TLN2: variants seen among roughly 807,000 people sequenced by gnomAD.
TLN2 encodes talin-2.
TLN2 carries 118 observed loss-of-function variants against 294.7 expected under a neutral mutation model. That is an observed-to-expected ratio of 0.40 (90% CI 0.34 to 0.47). The LOEUF (loss-of-function observed/expected upper bound fraction) is 0.47. Among genes scored for constraint, TLN2 ranks in the 20% least tolerant of loss-of-function variants. The probability of loss-of-function intolerance (pLI) is 0.84; values close to 1 mark genes in which losing one functional copy is unlikely to be tolerated. For synonymous variants in TLN2, 1,431 were observed against 1,304.5 expected (o/e 1.10, Z -2.09); for missense variants, 3,083 against 3,282.2 (o/e 0.94, Z 1.48).
At position 62,766,434 on chromosome 15, in the gene TLN2, C is replaced by G. The variant is rs1041980327; in HGVS notation, c.5196+12C>G. ...AGCTGGGACATAAGGTAATGCACAC[C>G]GAGGGGATCCTGCGAGGGTGTGCGT... On this transcript the variant is annotated intron_variant, in intron 41 of 58. Coordinates refer to ENST00000636159, the MANE Select transcript of TLN2 (RefSeq NM_015059.3). 1.9e-6 allele frequency: 3 copies of G among 1,597,952 alleles called. No homozygotes were observed. The highest frequency in any genetic ancestry group is 2.6e-6 in the Non-Finnish European group (3 of 1,166,696).
intron 18 of TLN2, 47 bp from the exon 19 acceptor site, chr15:62,702,719 G>T: frequency 6.4e-7 from 1 of 1,570,852 alleles, no homozygotes; most frequent in Non-Finnish European, 8.8e-7. Flanking sequence ...GATGGCACTG[G>T]AGGAAATGCG....
At chr15:62,506,530 G>T (rs915255458) in intron 1 of TLN2, among the ~76,000 whole-genome samples, 9 of 152,218 alleles carry the variant, frequency 5.9e-5, no homozygotes, top group African/African-American at 1.9e-4. Context: ...AAAGATGAGA[G>T]CCCTCCTGCC....
chr15:62,614,886 A>G (rs1373263426), intron 2 of TLN2, among the ~76,000 whole-genome samples: 1 of 151,798 alleles, frequency 6.6e-6, no homozygotes, highest in Non-Finnish European at 1.5e-5. Flanking sequence ...GCTCACTGCA[A>G]CCCCCGCCTC....
At chr15:62,415,128 C>T (rs1381140540) in intron 1 of TLN2, among the ~76,000 whole-genome samples, 1 of 140,690 alleles carries the variant, frequency 7.1e-6, no homozygotes, top group East Asian at 3.5e-4. Context: ...AGGCTGGTCT[C>T]AAACTCCTGA....
intron 2 of TLN2, among the ~76,000 whole-genome samples, chr15:62,605,200 A>G (rs1356237106): frequency 1.3e-5 from 2 of 152,202 alleles, no homozygotes; most frequent in Non-Finnish European, 2.9e-5. Flanking sequence ...GGTGAATTAC[A>G]GTGTAGGTTT....
intron 11 of TLN2, among the ~76,000 whole-genome samples, chr15:62,677,873 A>G (rs1415082244): frequency 7.8e-6 from 1 of 128,760 alleles, no homozygotes; most frequent in Non-Finnish European, 1.6e-5. Flanking sequence ...TCGGCTCACC[A>G]CAACCTCCGC....
At chr15:62,762,173 C>A (rs151074834) in intron 38 of TLN2, 99 bp from the exon 39 acceptor site, 2 of 1,337,628 alleles carry the variant, frequency 1.5e-6, no homozygotes, top group Non-Finnish European at 2.1e-6. Context: ...CTTCAAAGGG[C>A]AGAGGTGGTG....
At chr15:62,400,811 G>T (rs1433279880) in intron 1 of TLN2, among the ~76,000 whole-genome samples, 1 of 140,022 alleles carries the variant, frequency 7.1e-6, no homozygotes, top group East Asian at 2.0e-4. Flanking sequence ...TTATGTTTCC[G>T]GTTTTTTTTT....
intron 1 of TLN2, among the ~76,000 whole-genome samples, chr15:62,427,051 C>T (rs1394159619): frequency 6.6e-6 from 1 of 152,146 alleles, no homozygotes; most frequent in Non-Finnish European, 1.5e-5. Context: ...CTTCAGGAAG[C>T]AGGGCCAGCA....
chr15:62,773,933 G>A (rs1286952745), intron 42 of TLN2, among the ~76,000 whole-genome samples: 6 of 152,054 alleles, frequency 3.9e-5, no homozygotes, highest in Non-Finnish European at 8.8e-5. Context: ...TTACCGAGGC[G>A]TTTGCAGTGT....
At chr15:62,706,091 A>G (rs1392472798) in intron 19 of TLN2, among the ~76,000 whole-genome samples, 4 of 152,216 alleles carry the variant, frequency 2.6e-5, no homozygotes, top group Non-Finnish European at 1.5e-5. Flanking sequence ...TTAGAATCAA[A>G]TGTGCTCTTT....
chr15:62,673,310 C>CTTTTTTTT (rs56258541), intron 9 of TLN2, among the ~76,000 whole-genome samples: 9,588 of 42,526 alleles, frequency 0.23, 3,143 homozygotes, highest in East Asian at 0.57. Context: ...TTAGATGTTG[C>CTTTTTTTT]TTTTTTTTTT....
intron 41 of TLN2, 63 bp from the exon 42 acceptor site, chr15:62,770,901 C>G: frequency 6.5e-7 from 1 of 1,542,254 alleles, no homozygotes; most frequent in Non-Finnish European, 8.7e-7. Flanking sequence ...GACTGTGGAG[C>G]CCCTGAAGGA....
At chr15:62,516,607 C>A (rs553781158) in intron 1 of TLN2, among the ~76,000 whole-genome samples, 1 of 152,202 alleles carries the variant, frequency 6.6e-6, no homozygotes, top group South Asian at 2.1e-4. Flanking sequence ...GCTGTTGCAG[C>A]CTTGATCCGC....
At chr15:62,836,837 T>C (rs755975008) in intron 57 of TLN2, among the ~76,000 whole-genome samples, 1 of 152,248 alleles carries the variant, frequency 6.6e-6, no homozygotes, top group Non-Finnish European at 1.5e-5. Flanking sequence ...TTTGTCCAGT[T>C]GTAATCATGG....
At chr15:62,393,020 G>C (rs949643826) in intron 1 of TLN2, among the ~76,000 whole-genome samples, 5 of 151,980 alleles carry the variant, frequency 3.3e-5, no homozygotes, top group African/African-American at 1.2e-4. Flanking sequence ...TTGAGCACTA[G>C]AATAGTGGAA....
intron 2 of TLN2, among the ~76,000 whole-genome samples, chr15:62,592,805 A>G (rs1192910148): frequency 6.6e-6 from 1 of 152,226 alleles, no homozygotes; most frequent in Admixed American, 6.5e-5. Context: ...ATGATGCTTT[A>G]AAGAGTTACA....
At chr15:62,634,423 A>G (rs1482161826) in intron 3 of TLN2, among the ~76,000 whole-genome samples, 1 of 152,222 alleles carries the variant, frequency 6.6e-6, no homozygotes, top group Non-Finnish European at 1.5e-5. Flanking sequence ...TTTTTCAAGA[A>G]TAAGTCCAGG....
chr15:62,789,553 T>C (rs1206568048), intron 45 of TLN2, among the ~76,000 whole-genome samples: 1 of 152,028 alleles, frequency 6.6e-6, no homozygotes, highest in Non-Finnish European at 1.5e-5. Flanking sequence ...AACACAAAAG[T>C]GTTGTTGAGG....
Sources: gnomAD v4.1 joint callset for allele counts (sites outside exome capture counted in the v4.1 genomes callset) on GRCh38, gnomAD v4.1.1 for gene constraint, MANE v1.5 for transcripts, NCBI Gene and HGNC (gene_info 2026-07-23, HGNC 2026-07-21) for gene names.